MCEE: variants seen among roughly 807,000 people sequenced by gnomAD.
MCEE encodes the protein methylmalonyl-CoA epimerase, mitochondrial.
A neutral mutation model predicts 12.9 loss-of-function variants in MCEE; 6 were observed. That is an observed-to-expected ratio of 0.47 (90% CI 0.26 to 0.92). The LOEUF (loss-of-function observed/expected upper bound fraction) is 0.92. MCEE is among the 40% of genes least tolerant of loss of function. The pLI, the probability that MCEE is intolerant of heterozygous loss-of-function variation, is 0.16. For missense variants in MCEE, 214 were observed against 212.1 expected (o/e 1.01, Z -0.05); for synonymous variants, 78 against 77.9 (o/e 1.00, Z -0.01).
chr2:71,129,850 G>A (rs1242497697), intron 1 of MCEE: 1 of 454,030 alleles, frequency 2.2e-6, no homozygotes, highest in Non-Finnish European at 4.1e-6. Flanking sequence ...ATAACTTACC[G>A]ATCCGCTTCT....
At chr2:71,128,743 C>T (rs983468117) in intron 1 of MCEE, among the ~76,000 whole-genome samples, 1 of 152,056 alleles carries the variant, frequency 6.6e-6, no homozygotes, top group Non-Finnish European at 1.5e-5. Flanking sequence ...AATCCCAGCA[C>T]TTTGGGAAGA....
intron 2 of MCEE, among the ~76,000 whole-genome samples, chr2:71,123,952 C>G (rs533921379): frequency 9.9e-5 from 15 of 152,228 alleles, no homozygotes; most frequent in African/African-American, 3.6e-4. Flanking sequence ...TACATTGTGG[C>G]TAACTTTGGT....
At chr2:71,124,095 A>C in intron 2 of MCEE, 111 bp downstream of exon 2, 1 of 778,734 alleles carries the variant, frequency 1.3e-6, no homozygotes, top group East Asian at 2.7e-5. Flanking sequence ...ATTCTCCTTA[A>C]AGAACTTTAC....
intron 2 of MCEE, among the ~76,000 whole-genome samples, chr2:71,122,031 G>T (rs927329964): frequency 1.3e-5 from 2 of 152,180 alleles, no homozygotes; most frequent in African/African-American, 4.8e-5. Flanking sequence ...CCTGTCAAAT[G>T]GGGATAATAG....
chr2:71,123,426 G>C (rs578036155), intron 2 of MCEE, among the ~76,000 whole-genome samples: 1 of 151,486 alleles, frequency 6.6e-6, no homozygotes, highest in Admixed American at 6.6e-5. Flanking sequence ...AGGAGGCAGA[G>C]GTTGCAGTGA....
intron 1 of MCEE, among the ~76,000 whole-genome samples, chr2:71,125,653 T>C (rs1378133525): frequency 6.6e-6 from 1 of 152,140 alleles, no homozygotes; most frequent in African/African-American, 2.4e-5. Flanking sequence ...GTTTTTAGCA[T>C]TTTTAAAATT....
At position 71,109,966 on chromosome 2, in the gene MCEE, T is replaced by C. The variant is rs1421103607; in HGVS notation, c.*4A>G. On this transcript the variant is annotated 3_prime_UTR_variant, in exon 3 of 3. Transcript: ENST00000244217. ...CAATTAATTTAGTTGCTTGCAAATA[T>C]AAATCAAGCTTGCTCCAGTTCCACA... 1 of 1,613,334 alleles carries C rather than the reference T, an allele frequency of 6.2e-7. No homozygotes were observed. The highest frequency in any genetic ancestry group is 1.7e-5 in the Admixed American group (1 of 59,990).
In MCEE at chr2:71,124,406, T is replaced by G. The variant is rs147401037; in HGVS notation, c.178A>C (p.Lys60Gln). ...HVAIAVPDLEKAAAFYKNILG... is the reference protein window; with the variant it reads ...HVAIAVPDLEQAAAFYKNILG... ...ATATTCTTATAAAATGCTGCAGCCT[T>G]TTCCAAATCTGGCACTGCTATGGCT... Residue 60 changes from lysine (K) to glutamine (Q), a missense_variant, in exon 2 of 3, where the codon AAG becomes CAG. Coordinates refer to ENST00000244217, the MANE Select transcript of MCEE (RefSeq NM_032601.4). The G allele has an allele frequency of 8.2e-4, 1,326 of 1,614,158 alleles. 23 individuals are homozygous for G. In the South Asian group the frequency reaches 0.014, roughly 17 times the overall value.
rs764104838 is a variant in MCEE at position 71,110,268 on chromosome 2, A to T, written c.379-146T>A. ...GACCATTCTTAAATCATCATAAAAAATAAGCTTAAAATTTTCAGAGAAGTA... is the reference window on the plus strand; with the variant it reads ...GACCATTCTTAAATCATCATAAAAATTAAGCTTAAAATTTTCAGAGAAGTA... On this transcript the variant is annotated intron_variant, in intron 2 of 2. Coordinates refer to ENST00000244217, the MANE Select transcript of MCEE (RefSeq NM_032601.4). 17 of 728,356 alleles carry T rather than the reference A, an allele frequency of 2.3e-5. 1 individual carries two copies. In the South Asian group the frequency reaches 2.6e-4, roughly 11 times the overall value. 45.1% of individuals were successfully genotyped at this position (728,356 alleles called of 1,614,324 possible).
chr2:71,125,487 G>GCA, intron 1 of MCEE, among the ~76,000 whole-genome samples: 1 of 151,846 alleles, frequency 6.6e-6, no homozygotes, highest in African/African-American at 2.4e-5. Flanking sequence ...GATTAGAGAT[G>GCA]TGAGCCACTG....
chr2:71,120,989 G>A (rs1056436666), intron 2 of MCEE, among the ~76,000 whole-genome samples: 22 of 152,162 alleles, frequency 1.4e-4, no homozygotes, highest in South Asian at 1.2e-3. Context: ...TGCCCACCTC[G>A]GCCTCCCAAA....
chr2:71,124,276 C>T lies in MCEE; in HGVS notation c.308G>A (p.Gly103Glu). The T allele has an allele frequency of 6.2e-7, 1 of 1,614,174 alleles. No homozygotes were observed. The highest frequency in any genetic ancestry group is 1.3e-5 in the African/African-American group (1 of 75,052). ...NTKMELLHPL[G>E]RDSPIAGFLQ... ...AAAACCTGCAATTGGACTGTCACGTCCCAATGGATGAAGCAGTTCCATCTT... is the reference window on the plus strand; with the variant it reads ...AAAACCTGCAATTGGACTGTCACGTTCCAATGGATGAAGCAGTTCCATCTT... Residue 103 changes from glycine to glutamate, a missense_variant, in exon 2 of 3, where the codon GGA becomes GAA. Physicochemically the swap from Gly to Glu is moderately conservative, Grantham distance 98. Transcript: ENST00000244217.
At chr2:71,112,699 A>G (rs6750588) in intron 2 of MCEE, among the ~76,000 whole-genome samples, 49,150 of 149,280 alleles carry the variant, frequency 0.33, 9,973 homozygotes, top group East Asian at 0.68. Flanking sequence ...GCCTCCCACA[A>G]TGCTGGGATT....
intron 2 of MCEE, among the ~76,000 whole-genome samples, chr2:71,123,799 A>G (rs1673152175): frequency 6.6e-6 from 1 of 152,198 alleles, no homozygotes; most frequent in South Asian, 2.1e-4. Flanking sequence ...TAAAGAGAGA[A>G]AAGAGTTATA....
Position 71,130,228 on chromosome 2 carries a change from G to A in MCEE, c.-9C>T, listed in dbSNP as rs755254387. ...TTCAGCACCCGCGCCATTTTGGAAA[G>A]CAACCCGCCACGTCAAGACTAGCCA... On this transcript the variant is annotated 5_prime_UTR_variant, in exon 1 of 3. Transcript: ENST00000244217. The A allele has an allele frequency of 1.9e-6, 3 of 1,607,052 alleles. No individual in the cohort carries two copies. Among genetic ancestry groups the A allele is most frequent in the Non-Finnish European group, 2.5e-6 (3 of 1,177,654 alleles).
chr2:71,119,792 G>A (rs1176367038), intron 2 of MCEE, among the ~76,000 whole-genome samples: 3 of 150,156 alleles, frequency 2.0e-5, no homozygotes, highest in African/African-American at 7.6e-5. Flanking sequence ...GGTGGTTCAT[G>A]CCTGTAATCC....
chr2:71,127,999 G>A (rs887915730), intron 1 of MCEE, among the ~76,000 whole-genome samples: 11 of 152,214 alleles, frequency 7.2e-5, no homozygotes, highest in African/African-American at 2.7e-4. Context: ...TTCATTAGAA[G>A]TGCTTTCAAG....
chr2:71,120,599 G>C (rs1217039609), intron 2 of MCEE, among the ~76,000 whole-genome samples: 1 of 150,426 alleles, frequency 6.6e-6, no homozygotes, highest in Non-Finnish European at 1.5e-5. Context: ...ATTTCGTCAA[G>C]TGAGTCAACA....
chr2:71,120,523 A>G (rs911019411), intron 2 of MCEE, among the ~76,000 whole-genome samples: 8 of 150,456 alleles, frequency 5.3e-5, no homozygotes, highest in Admixed American at 4.6e-4. Context: ...AGTAGAAACC[A>G]ACTCAACCTC....
Sources: gnomAD v4.1 joint callset for allele counts (sites outside exome capture counted in the v4.1 genomes callset) on GRCh38, gnomAD v4.1.1 for gene constraint, MANE v1.5 for transcripts, NCBI Gene and HGNC (gene_info 2026-07-23, HGNC 2026-07-21) for gene names.